DGKB: variants seen among roughly 807,000 people sequenced by gnomAD.
DGKB encodes the protein 90 kDa diacylglycerol kinase.
In DGKB, 67 loss-of-function variants were observed where a neutral mutation model predicts 114.3. The observed-to-expected ratio is 0.59, with a 90% CI of 0.48 to 0.72. DGKB has a LOEUF of 0.72. Ranked by LOEUF, DGKB falls within the 30% of genes least tolerant of loss-of-function variation. The pLI, the probability that DGKB is intolerant of heterozygous loss-of-function variation, is 0.00. For synonymous variants in DGKB, 398 were observed against 323.1 expected (o/e 1.23, Z -2.49); for missense variants, 907 against 975.2 (o/e 0.93, Z 0.93).
At chr7:14,226,120 G>T (rs1322297087) in intron 23 of DGKB, among the ~76,000 whole-genome samples, 2 of 151,778 alleles carry the variant, frequency 1.3e-5, no homozygotes, top group Admixed American at 1.3e-4. Context: ...TAACCTGTCA[G>T]AATCCCAAGA....
At chr7:14,616,823 C>T (rs1305018575) in intron 15 of DGKB, among the ~76,000 whole-genome samples, 2 of 151,660 alleles carry the variant, frequency 1.3e-5, no homozygotes, top group South Asian at 2.1e-4. Flanking sequence ...AATACGGTTT[C>T]ACACACACAA....
chr7:14,533,394 G>C (rs1179397918), intron 20 of DGKB, among the ~76,000 whole-genome samples: 1 of 151,634 alleles, frequency 6.6e-6, no homozygotes, highest in East Asian at 1.9e-4. Flanking sequence ...AAGCTTACAA[G>C]ACTTTTGAGA....
At chr7:14,631,191 T>A (rs1001790282) in intron 13 of DGKB, among the ~76,000 whole-genome samples, 1 of 145,974 alleles carries the variant, frequency 6.9e-6, no homozygotes, top group Non-Finnish European at 1.5e-5. Context: ...CCAAGATGGG[T>A]ATGAAAAATC....
chr7:14,680,537 T>G (rs1820644893), intron 12 of DGKB, among the ~76,000 whole-genome samples: 1 of 151,828 alleles, frequency 6.6e-6, no homozygotes, highest in Non-Finnish European at 1.5e-5. Flanking sequence ...GATTCTGAAG[T>G]ACCAGATAAG....
chr7:14,817,199 CT>C (rs1441782553), intron 2 of DGKB, among the ~76,000 whole-genome samples: 4 of 152,092 alleles, frequency 2.6e-5, no homozygotes, highest in Non-Finnish European at 5.9e-5. Context: ...ATGGTTGCCC[CT>C]AACACATGCA....
At position 14,228,724 on chromosome 7, in the gene DGKB, C is replaced by A. The variant is rs193148736; in HGVS notation, c.2123-50573G>T. On this transcript the variant is annotated intron_variant, in intron 23 of 25. Transcript: ENST00000402815. ...TAAAATCAATCATGAGAGAAATTAACACTAAGATTTTCAGGGCCAAATAAA... is the reference window on the plus strand; with the variant it reads ...TAAAATCAATCATGAGAGAAATTAAAACTAAGATTTTCAGGGCCAAATAAA... Among the ~76,000 whole-genome samples the A allele has an allele frequency of 4.2e-3, 642 of 152,062 alleles. 2 individuals carry two copies. The highest frequency in any genetic ancestry group is 0.015 in the African/African-American group (622 of 41,518).
chr7:14,821,084 C>T (rs1844867452), intron 2 of DGKB, among the ~76,000 whole-genome samples: 1 of 152,106 alleles, frequency 6.6e-6, no homozygotes. Flanking sequence ...AAGGTCTATT[C>T]ACATTTAAGT....
intron 21 of DGKB, among the ~76,000 whole-genome samples, chr7:14,387,658 C>A (rs1820630198): frequency 6.6e-6 from 1 of 152,050 alleles, no homozygotes; most frequent in Admixed American, 6.6e-5. Context: ...CTTAAGTGAT[C>A]TTCCTGACTC....
intron 23 of DGKB, among the ~76,000 whole-genome samples, chr7:14,255,863 G>A (rs1487901031): frequency 6.6e-6 from 1 of 151,806 alleles, no homozygotes. Flanking sequence ...TTGAGCATGT[G>A]CTCCAACCCC....
chr7:14,800,552 C>G (rs928369208), intron 2 of DGKB, among the ~76,000 whole-genome samples: 1 of 152,198 alleles, frequency 6.6e-6, no homozygotes, highest in Non-Finnish European at 1.5e-5. Flanking sequence ...GGCACTCAGG[C>G]TGGCTGTCCT....
At chr7:14,445,236 C>A (rs528370856) in intron 21 of DGKB, among the ~76,000 whole-genome samples, 2 of 151,896 alleles carry the variant, frequency 1.3e-5, no homozygotes, top group South Asian at 2.1e-4. Flanking sequence ...GGATGACAAA[C>A]CCTGAAGGAA....
chr7:14,534,146 C>G (rs1792038773), intron 20 of DGKB, among the ~76,000 whole-genome samples: 1 of 151,870 alleles, frequency 6.6e-6, no homozygotes, highest in Non-Finnish European at 1.5e-5. Context: ...TAAGTAAACT[C>G]TGATAACAAT....
rs181323238 is a variant in DGKB, at chr7:14,481,617, C to T, written c.1771-3392G>A. Among the ~76,000 whole-genome samples, 647 of 151,838 alleles carry T rather than the reference C, an allele frequency of 4.3e-3. 3 individuals are homozygous for T. Among genetic ancestry groups the T allele is most frequent in the African/African-American group, 0.015 (626 of 41,464 alleles). ...ATTTTAGAATAGAATATAAATTTAGCCAATTAGAAATGAGTGTCATCAAGA... is the reference window on the plus strand; with the variant it reads ...ATTTTAGAATAGAATATAAATTTAGTCAATTAGAAATGAGTGTCATCAAGA... On this transcript the variant is annotated intron_variant, in intron 20 of 25. Coordinates refer to ENST00000402815, the MANE Select transcript of DGKB (RefSeq NM_001350709.2).
chr7:14,858,669 G>T (rs1850525747), intron 1 of DGKB, among the ~76,000 whole-genome samples: 1 of 152,046 alleles, frequency 6.6e-6, no homozygotes, highest in South Asian at 2.1e-4. Flanking sequence ...GTGTCAAATG[G>T]CAAGAGATCA....
At chr7:14,577,336 G>C (rs1415711472) in intron 19 of DGKB, among the ~76,000 whole-genome samples, 1 of 152,150 alleles carries the variant, frequency 6.6e-6, no homozygotes, top group Non-Finnish European at 1.5e-5. Context: ...AGTGTGTTCA[G>C]GCCAGGTGCG....
At chr7:14,936,228 G>C (rs1456888034) in intron 1 of DGKB, among the ~76,000 whole-genome samples, 3 of 152,144 alleles carry the variant, frequency 2.0e-5, no homozygotes, top group East Asian at 3.9e-4. Flanking sequence ...TGAAGAACTT[G>C]TCTTTGTAAA....
intron 6 of DGKB, among the ~76,000 whole-genome samples, chr7:14,707,337 C>G (rs1039080248): frequency 6.0e-5 from 9 of 150,242 alleles, no homozygotes; most frequent in African/African-American, 2.2e-4. Flanking sequence ...AGTTTACCAA[C>G]CAAAAAGAGT....
At chr7:14,917,182 G>C (rs754792977) in intron 1 of DGKB, among the ~76,000 whole-genome samples, 1 of 151,922 alleles carries the variant, frequency 6.6e-6, no homozygotes, top group Non-Finnish European at 1.5e-5. Flanking sequence ...TATAAAAGAA[G>C]AGAGATCTAA....
intron 21 of DGKB, among the ~76,000 whole-genome samples, chr7:14,355,150 T>G (rs780404100): frequency 5.0e-4 from 75 of 151,508 alleles, no homozygotes; most frequent in Non-Finnish European, 1.6e-4. Flanking sequence ...TCTCTCCCCC[T>G]CCCTCCCTCT....
Sources: gnomAD v4.1 joint callset for allele counts (sites outside exome capture counted in the v4.1 genomes callset) on GRCh38, gnomAD v4.1.1 for gene constraint, MANE v1.5 for transcripts, NCBI Gene and HGNC (gene_info 2026-07-23, HGNC 2026-07-21) for gene names.